Variants in SPEF2 observed in about 807,000 individuals in gnomAD.
The protein encoded by SPEF2 is sperm flagellar and cilia associated 2.
SPEF2 carries 187 observed loss-of-function variants against 224.6 expected under a neutral mutation model. That is an observed-to-expected ratio of 0.83 (90% CI 0.74 to 0.94). SPEF2 has a LOEUF of 0.94. Among genes scored for constraint, SPEF2 ranks in the 40% least tolerant of loss-of-function variants. The pLI, the probability that SPEF2 is intolerant of heterozygous loss-of-function variation, is 0.00. For synonymous variants in SPEF2, 715 were observed against 707.3 expected, an observed-to-expected ratio of 1.01 and a Z score of -0.17; for missense variants, 2,170 against 2,135.6, an observed-to-expected ratio of 1.02 and a Z score of -0.32.
intron 26 of SPEF2, among the ~76,000 whole-genome samples, chr5:35,770,025 A>ATGTG (rs1491271624): frequency 8.3e-4 from 78 of 93,840 alleles, no homozygotes; most frequent in African/African-American, 2.9e-3. Flanking sequence ...GTGTGTGTGC[A>ATGTG]TGTGCGTGTG....
chr5:35,800,771 T>C (rs1468319804), intron 34 of SPEF2, among the ~76,000 whole-genome samples: 2 of 152,220 alleles, frequency 1.3e-5, no homozygotes, highest in Non-Finnish European at 2.9e-5. Flanking sequence ...CTTTTGGTTC[T>C]GTTGTTTGGG....
At chr5:35,713,013 C>A in intron 20 of SPEF2, 127 bp downstream of exon 20, 2 of 870,140 alleles carry the variant, frequency 2.3e-6, no homozygotes, top group Non-Finnish European at 1.7e-6. Flanking sequence ...AAATCATAAG[C>A]CCTTGCCAAA....
chr5:35,759,005 CAAAAA>C (rs57893412), intron 24 of SPEF2, among the ~76,000 whole-genome samples: 8 of 51,354 alleles, frequency 1.6e-4, no homozygotes, highest in South Asian at 2.6e-3. Context: ...GACTCTGTCT[CAAAAA>C]AAAAAAAAAA....
chr5:35,790,572 A>T (rs1252196756), intron 30 of SPEF2: 1 of 378,822 alleles, frequency 2.6e-6, no homozygotes, highest in Non-Finnish European at 4.7e-6. Context: ...TAGCTTTCTA[A>T]CTTCACTTAT....
rs756623452 is a variant in SPEF2 at position 35,628,582 on chromosome 5, TTTGTTG to T, written c.161+32_161+37del. On this transcript the variant is annotated intron_variant, in intron 2 of 36. Transcript: ENST00000356031. ...CAGCAGGTTAGTGAGATTATTCCTT[TTTGTTG>T]TTGTTGTTGTTTATTTGTTTTGAGA... 6.6e-7 allele frequency: 1 copy of T among 1,516,988 alleles called. No homozygotes were observed. The highest frequency in any genetic ancestry group is 9.1e-7 in the Non-Finnish European group (1 of 1,093,106). 94.0% of individuals were successfully genotyped at this position (1,516,988 alleles called of 1,614,324 possible).
At chr5:35,710,351 A>C (rs1344619520) in intron 19 of SPEF2, 2 of 762,748 alleles carry the variant, frequency 2.6e-6, no homozygotes, top group Non-Finnish European at 3.2e-6. Context: ...AGAAATCAGG[A>C]GTTCGAGACC....
intron 6 of SPEF2, among the ~76,000 whole-genome samples, chr5:35,654,236 G>T (rs1202478281): frequency 6.6e-6 from 1 of 150,896 alleles, no homozygotes; most frequent in Non-Finnish European, 1.5e-5. Context: ...TCCAGCCTGG[G>T]CAACAAGAGC....
intron 2 of SPEF2, among the ~76,000 whole-genome samples, chr5:35,635,191 C>T (rs1391491954): frequency 6.6e-6 from 1 of 151,894 alleles, no homozygotes; most frequent in African/African-American, 2.4e-5. Flanking sequence ...AGATTCTTTC[C>T]TCTGCCAACT....
intron 23 of SPEF2, among the ~76,000 whole-genome samples, chr5:35,751,066 T>TACGTATATATATAC (rs70973059): frequency 0.019 from 601 of 32,464 alleles, 194 homozygotes; most frequent in Non-Finnish European, 0.03. Flanking sequence ...CGTATATATA[T>TACGTATATATATAC]GTATATATAT....
At chr5:35,730,747 C>T (rs1325225316) in intron 21 of SPEF2, among the ~76,000 whole-genome samples, 1 of 152,146 alleles carries the variant, frequency 6.6e-6, no homozygotes, top group African/African-American at 2.4e-5. Flanking sequence ...AAGGATCTGG[C>T]AGAACATAAG....
chr5:35,713,080 A>C (rs1741500560), intron 20 of SPEF2, among the ~76,000 whole-genome samples, 194 bp downstream of exon 20: 1 of 152,164 alleles, frequency 6.6e-6, no homozygotes, highest in South Asian at 2.1e-4. Context: ...TGCTGAGAAA[A>C]GTGATGCTTG....
At chr5:35,785,092 A>G (rs1001147786) in intron 30 of SPEF2, among the ~76,000 whole-genome samples, 6 of 152,254 alleles carry the variant, frequency 3.9e-5, no homozygotes, top group Admixed American at 2.6e-4. Flanking sequence ...CAAATCAAGA[A>G]GTACAGAAAG....
At chr5:35,690,668 A>G (rs1754317928) in intron 10 of SPEF2, among the ~76,000 whole-genome samples, 1 of 152,078 alleles carries the variant, frequency 6.6e-6, no homozygotes, top group Admixed American at 6.5e-5. Flanking sequence ...ACTTTAAAAT[A>G]TTATAAAATA....
intron 10 of SPEF2, among the ~76,000 whole-genome samples, chr5:35,687,116 C>T (rs1055152856): frequency 2.0e-5 from 3 of 151,968 alleles, no homozygotes; most frequent in African/African-American, 4.8e-5. Flanking sequence ...TTGTTTATGT[C>T]GTTCATTCTT....
rs776451039 is a variant in SPEF2, at chr5:35,788,641, C to G, written c.4448-3699C>G. The G allele has an allele frequency of 1.0e-5, 7 of 702,940 alleles. 1 individual carries two copies. In the South Asian group the frequency reaches 1.0e-4, roughly 10 times the overall value. 43.5% of individuals were successfully genotyped at this position (702,940 alleles called of 1,614,324 possible). A position where few individuals can be genotyped will look rare whatever the true frequency, so the allele number is the denominator to read the frequency against. On this transcript the variant is annotated intron_variant, in intron 30 of 36. Transcript: ENST00000356031. ...TAAATCTTCAACTTAGACTGTCGAGCCAAGACTGGGCAAAGAAGCTGGTTG... is the reference window on the plus strand; with the variant it reads ...TAAATCTTCAACTTAGACTGTCGAGGCAAGACTGGGCAAAGAAGCTGGTTG...
At position 35,618,813 on chromosome 5, in the gene SPEF2, G is replaced by C. The variant is rs746272095; in HGVS notation, c.58+758G>C. Among the ~76,000 whole-genome samples, 4 of 151,946 alleles carry C rather than the reference G, an allele frequency of 2.6e-5. No individual in the cohort carries two copies. The South Asian group carries it at 6.2e-4, about 24-fold the overall frequency. On this transcript the variant is annotated intron_variant, in intron 1 of 36. Coordinates refer to ENST00000356031, the MANE Select transcript of SPEF2 (RefSeq NM_024867.4). ...ACAGAGACAATTTTACATGCTGGCAGCTTCCTTGACTGCCCTGTAATTCTT... is the reference window on the plus strand; with the variant it reads ...ACAGAGACAATTTTACATGCTGGCACCTTCCTTGACTGCCCTGTAATTCTT...
Position 35,740,270 on chromosome 5 carries a change from A to G in SPEF2, c.3330+3A>G. 6.2e-7 allele frequency: 1 copy of G among 1,613,846 alleles called. No individual in the cohort carries two copies. Among genetic ancestry groups the G allele is most frequent in the Non-Finnish European group, 8.5e-7 (1 of 1,179,914 alleles). On this transcript the variant is annotated splice_donor_region_variant and intron_variant, in intron 23 of 36. Transcript: ENST00000356031. The stretch of plus-strand genomic sequence containing the variant: ...CTGAACTACATCAACGAGTGAATGT[A>G]AGGAAATAGTGACCTATTGGGACAG...
At chr5:35,771,834 A>T (rs1752897583) in intron 27 of SPEF2, 78 bp downstream of exon 27, 1 of 1,493,086 alleles carries the variant, frequency 6.7e-7, no homozygotes, top group East Asian at 2.3e-5. Context: ...AACTGGACAC[A>T]TTATTAGCCT....
chr5:35,696,584 G>T (rs1755353831), intron 14 of SPEF2, among the ~76,000 whole-genome samples: 1 of 152,140 alleles, frequency 6.6e-6, no homozygotes, highest in Non-Finnish European at 1.5e-5. Context: ...AGCATACATT[G>T]TTTTGTACAC....
Sources: allele counts gnomAD v4.1 joint callset (sites outside exome capture counted in the v4.1 genomes callset), GRCh38; gene constraint gnomAD v4.1.1; transcripts MANE v1.5; gene names NCBI Gene and HGNC (gene_info 2026-07-23, HGNC 2026-07-21).